ZIC3: variants seen among roughly 807,000 people sequenced by gnomAD.
The protein encoded by ZIC3 is zinc finger protein ZIC 3.
Under a neutral mutation model 18.3 loss-of-function variants are expected in ZIC3, and 6 were observed. The observed-to-expected ratio is 0.33, with a 90% CI of 0.18 to 0.65. The LOEUF (loss-of-function observed/expected upper bound fraction) is 0.65, where lower values mean the gene tolerates loss of function less well. Ranked by LOEUF, ZIC3 falls within the 30% of genes least tolerant of loss-of-function variation. The pLI, the probability that ZIC3 is intolerant of heterozygous loss-of-function variation, is 0.75. For missense variants in ZIC3, 260 were observed against 410.0 expected (o/e 0.63, Z 3.16); for synonymous variants, 175 against 177.0 (o/e 0.99, Z 0.09).
Position 137,568,878 on chromosome X carries a change from C to G in ZIC3, c.1061-24C>G, listed in dbSNP as rs201336440. 869 of 1,208,166 alleles carry G rather than the reference C, an allele frequency of 7.2e-4. 1 individual carries two copies. Among genetic ancestry groups the G allele is most frequent in the Non-Finnish European group, 6.2e-4 (558 of 894,498 alleles). On this transcript the variant is annotated intron_variant, in intron 1 of 2. Coordinates refer to ENST00000287538, the MANE Select transcript of ZIC3 (RefSeq NM_003413.4). Reference sequence around the variant, plus strand: ...CTCCGGCGCTGACCGTATTTTACCCCCCTTGGGTTTTTGCCTTTTGCAGGT... The same window carrying G: ...CTCCGGCGCTGACCGTATTTTACCCGCCTTGGGTTTTTGCCTTTTGCAGGT...
At chrX:137,567,853 G>A (rs1931374349) in intron 1 of ZIC3, 102 bp downstream of exon 1, 8 of 1,179,937 alleles carry the variant, frequency 6.8e-6, no homozygotes, top group Admixed American at 4.5e-5. Flanking sequence ...GGAAAGGGGC[G>A]ACGCCCCGCA....
At chrX:137,574,246 C>T (rs1261056380), downstream of ZIC3, 1 of 113,368 alleles carries the variant, frequency 8.8e-6, no homozygotes, top group Non-Finnish European at 1.9e-5. Context: ...GCTCCCGGGG[C>T]TCATCAGCGA....
chrX:137,573,624 T>G (rs191289238), downstream of ZIC3: 1 of 112,708 alleles, frequency 8.9e-6, no homozygotes, highest in East Asian at 2.8e-4. Context: ...TCTTAACATG[T>G]AAGTTTGTGG....
chrX:137,567,607 G>A lies in ZIC3; in HGVS notation c.916G>A (p.Gly306Ser). 1 of 1,212,351 alleles carries A rather than the reference G, an allele frequency of 8.2e-7. No individual in the cohort carries two copies. Among genetic ancestry groups the A allele is most frequent in the Non-Finnish European group, 1.1e-6 (1 of 895,635 alleles). The stretch of plus-strand genomic sequence containing the variant: ...CTACTGGGAGGAGTGCCCCCGGGAG[G>A]GCAAGTCTTTCAAGGCGAAGTACAA... Reference protein sequence around the residue: ...VCYWEECPREGKSFKAKYKLV... With the variant: ...VCYWEECPRESKSFKAKYKLV... Residue 306 changes from glycine (G) to serine (S), a missense_variant, in exon 1 of 3, where the codon GGC (glycine) becomes AGC (serine). Physicochemically the swap from Gly to Ser is moderately conservative, Grantham distance 56. Around this residue, in one of 4 missense-constraint regions of ZIC3, gnomAD observed 25 missense variants for 58.6 expected, o/e 0.43. Transcript: ENST00000287538.
intron 1 of ZIC3, among the ~76,000 whole-genome samples, chrX:137,568,339 G>T (rs5931173): frequency 0.13 from 9,974 of 79,704 alleles, 450 homozygotes; most frequent in East Asian, 0.21. Flanking sequence ...TGGATCGATC[G>T]ATCTATCTAT....
At position 137,566,427 on chromosome X, in the gene ZIC3, C is replaced by T; in HGVS notation, c.-265C>T. ...TTAGTTTGTTAAACCAGATCTAGTC[C>T]GAGTCTTTTCTCCTCCCTTCTCCTC... On this transcript the variant is annotated 5_prime_UTR_variant, in exon 1 of 3. Coordinates refer to ENST00000287538, the MANE Select transcript of ZIC3 (RefSeq NM_003413.4). 1 of 422,633 alleles carries T rather than the reference C, an allele frequency of 2.4e-6. No homozygotes were observed. Among genetic ancestry groups the T allele is most frequent in the Non-Finnish European group, 4.1e-6 (1 of 244,457 alleles). The allele number at this position is 422,633 out of a possible 1,213,427, so 34.8% of individuals were successfully genotyped here.
At chrX:137,569,183 C>A in intron 2 of ZIC3, 118 bp downstream of exon 2, 1 of 858,413 alleles carries the variant, frequency 1.2e-6, no homozygotes, top group South Asian at 2.2e-5. Flanking sequence ...CCGATTTGCT[C>A]CAGCAGTGAC....
Position 137,566,658 on chromosome X carries a change from C to A in ZIC3, c.-34C>A. 1 of 1,192,780 alleles carries A rather than the reference C, an allele frequency of 8.4e-7. No homozygotes were observed. The highest frequency in any genetic ancestry group is 1.7e-5 in the African/African-American group (1 of 57,588). ...CCTTCGCCGGTACCCTCTCTCACTT[C>A]GGCCGGATCGCCTGTGCCCAGAACG... On this transcript the variant is annotated 5_prime_UTR_variant, in exon 1 of 3. Coordinates refer to ENST00000287538, the MANE Select transcript of ZIC3 (RefSeq NM_003413.4).
chrX:137,569,926 T>C lies in ZIC3; in HGVS notation c.1260T>C (p.Ala420=), dbSNP rs1160361129. The C allele has an allele frequency of 8.3e-7, 1 of 1,209,732 alleles. No individual in the cohort carries two copies. Among genetic ancestry groups the C allele is most frequent in the African/African-American group, 1.8e-5 (1 of 57,078 alleles). The change falls in exon 3 of 3, where the codon GCT becomes GCC. Residue 420 remains alanine (A), a synonymous_variant. Transcript: ENST00000287538. Reference sequence around the variant, plus strand: ...CTCAAGGGTCAGATTCCTCCCCTGCTGCCAGTTCAGGCTATGAATCTTCCA... The same window carrying C: ...CTCAAGGGTCAGATTCCTCCCCTGCCGCCAGTTCAGGCTATGAATCTTCCA... The part of the protein sequence containing the change: ...HESQGSDSSP[A]ASSGYESSTP...
At chrX:137,575,201 G>A (rs1418421914), downstream of ZIC3, among the ~76,000 whole-genome samples, 1 of 112,059 alleles carries the variant, frequency 8.9e-6, no homozygotes, top group Non-Finnish European at 1.9e-5. Context: ...GAACACGTAA[G>A]CACCATTTTC....
downstream of ZIC3, among the ~76,000 whole-genome samples, chrX:137,572,678 C>T (rs1238099021): frequency 9.0e-6 from 1 of 111,327 alleles, no homozygotes; most frequent in Non-Finnish European, 1.9e-5. Flanking sequence ...CTCCCCCACC[C>T]TCAATCTAAC....
chrX:137,574,480 C>G (rs1227040536), downstream of ZIC3, among the ~76,000 whole-genome samples: 1 of 113,404 alleles, frequency 8.8e-6, no homozygotes, highest in East Asian at 2.8e-4. Context: ...GAGGAGGCTC[C>G]GGCCGGGGCC....
chrX:137,577,156 T>C (rs2079102943), exon 3 of ZIC3: 1 of 522,821 alleles, frequency 1.9e-6, no homozygotes, highest in African/African-American at 2.3e-5. Flanking sequence ...CAGTCTCTAA[T>C]TCCTGACGAA....
chrX:137,575,759 AG>A (rs1931506700), downstream of ZIC3, among the ~76,000 whole-genome samples: 1 of 111,556 alleles, frequency 9.0e-6, no homozygotes, highest in Non-Finnish European at 1.9e-5. Flanking sequence ...GCAGGTCATT[AG>A]CAAGGCTGGC....
At position 137,567,070 on chromosome X, in the gene ZIC3, C is replaced by A; in HGVS notation, c.379C>A (p.Leu127Ile). ...TCTGTTCCGCCAGCGCAGCTCCGGG[C>A]TCAGTGAGGCGGCCTCGGGTGGCGG... The part of the protein sequence containing the change: ...EFLFRQRSSG[L>I]SEAASGGGQH... Residue 127 changes from leucine (L) to isoleucine (I), a missense_variant, in exon 1 of 3, where the codon CTC (leucine) becomes ATC (isoleucine). Physicochemically the swap from Leu to Ile is conservative, Grantham distance 5. Around this residue, in one of 4 missense-constraint regions of ZIC3, gnomAD observed 183 missense variants for 223.8 expected, o/e 0.82. Coordinates refer to ENST00000287538, the MANE Select transcript of ZIC3 (RefSeq NM_003413.4). 8.4e-7 allele frequency: 1 copy of A among 1,185,926 alleles called. No individual in the cohort carries two copies. The highest frequency in any genetic ancestry group is 1.1e-6 in the Non-Finnish European group (1 of 882,706).
At chrX:137,573,928 T>G (rs1184931791), downstream of ZIC3, 2 of 112,982 alleles carry the variant, frequency 1.8e-5, no homozygotes, top group African/African-American at 6.4e-5. Flanking sequence ...GTCAATTCTC[T>G]CGCGGTCTCT....
At position 137,569,976 on chromosome X, in the gene ZIC3, A is replaced by G; in HGVS notation, c.1310A>G (p.Asn437Ser). Residue 437 changes from asparagine (N) to serine (S), a missense_variant, in exon 3 of 3, where the codon AAC becomes AGC. This residue lies in a region of ZIC3 where 52 missense variants were observed against 111.5 expected (regional missense o/e 0.47). Transcript: ENST00000287538. The stretch of plus-strand genomic sequence containing the variant: ...ACTCCACCCGCTATAGCTTCTGCAA[A>G]CAGTAAAGATACCACTAAAACCCCT... ...SSTPPAIASA[N>S]SKDTTKTPSA... 1 of 1,211,991 alleles carries G rather than the reference A, an allele frequency of 8.3e-7. No individual in the cohort carries two copies. The highest frequency in any genetic ancestry group is 1.1e-6 in the Non-Finnish European group (1 of 895,530).
At chrX:137,569,156 T>C in intron 2 of ZIC3, 91 bp downstream of exon 2, 1 of 1,038,251 alleles carries the variant, frequency 9.6e-7, no homozygotes, top group Non-Finnish European at 1.3e-6. Flanking sequence ...GCCAACCCTC[T>C]GTCTTCCACG....
intron 2 of ZIC3, 80 bp downstream of exon 2, chrX:137,569,145 T>G (rs1931401099): frequency 9.9e-7 from 1 of 1,008,107 alleles, no homozygotes; most frequent in African/African-American, 2.0e-5. Flanking sequence ...GCGCCCGCGC[T>G]GCCAACCCTC....
Sources: allele counts gnomAD v4.1 joint callset (sites outside exome capture counted in the v4.1 genomes callset), GRCh38; gene constraint gnomAD v4.1.1; regional missense constraint gnomAD v4.1.1; transcripts MANE v1.5; gene names NCBI Gene and HGNC (gene_info 2026-07-23, HGNC 2026-07-21).